Variants in PTPRN2 observed in about 807,000 individuals in gnomAD.
The protein encoded by PTPRN2 is receptor-type tyrosine-protein phosphatase N2.
A neutral mutation model predicts 118.8 loss-of-function variants in PTPRN2; 74 were observed. That is an observed-to-expected ratio of 0.62 (90% CI 0.52 to 0.76). PTPRN2 has a LOEUF of 0.76. PTPRN2 is among the 30% of genes least tolerant of loss of function. The pLI, the probability that PTPRN2 is intolerant of heterozygous loss-of-function variation, is 0.00. For synonymous variants in PTPRN2, 641 were observed against 608.0 expected (o/e 1.05, Z -0.80); for missense variants, 1,481 against 1,394.4 (o/e 1.06, Z -0.99).
chr7:157,554,992 T>TGTGGCGGGCGCCCCAGTGTGGCGGGCGC (rs1362780937), intron 21 of PTPRN2, among the ~76,000 whole-genome samples: 3 of 151,660 alleles, frequency 2.0e-5, no homozygotes, highest in Non-Finnish European at 4.4e-5. Context: ...GTGGCGGGCG[T>TGTGGCGGGCGCCCCAGTGTGGCGGGCGC]CCCAGTGTGG....
intron 2 of PTPRN2, among the ~76,000 whole-genome samples, chr7:158,417,597 TCTAG>T (rs1333457766): frequency 6.7e-6 from 1 of 150,074 alleles, no homozygotes; most frequent in Non-Finnish European, 1.5e-5. Flanking sequence ...ATCGAGATGC[TCTAG>T]CTCTCAGTGT....
intron 1 of PTPRN2, among the ~76,000 whole-genome samples, chr7:158,562,643 C>T (rs1024437592): frequency 6.6e-6 from 1 of 152,198 alleles, no homozygotes; most frequent in Non-Finnish European, 1.5e-5. Flanking sequence ...GTCCATTTAG[C>T]ACTTGAAAGC....
intron 2 of PTPRN2, among the ~76,000 whole-genome samples, chr7:158,376,166 G>A (rs1810483206): frequency 6.6e-6 from 1 of 152,158 alleles, no homozygotes; most frequent in African/African-American, 2.4e-5. Flanking sequence ...TCCTGCACCT[G>A]CCTATCTGTG....
At chr7:157,644,583 G>T (rs375566447) in intron 14 of PTPRN2, among the ~76,000 whole-genome samples, 1 of 152,142 alleles carries the variant, frequency 6.6e-6, no homozygotes, top group African/African-American at 2.4e-5. Context: ...GGATCACGAG[G>T]TCAGGAGTTT....
At chr7:158,072,146 C>A (rs962738384) in intron 11 of PTPRN2, among the ~76,000 whole-genome samples, 6 of 129,664 alleles carry the variant, frequency 4.6e-5, no homozygotes, top group African/African-American at 1.3e-4. Flanking sequence ...GATCTAAATG[C>A]CATTCAGTTG....
intron 11 of PTPRN2, among the ~76,000 whole-genome samples, chr7:157,988,015 G>T (rs948045993): frequency 1.3e-5 from 2 of 151,540 alleles, no homozygotes; most frequent in Non-Finnish European, 2.9e-5. Flanking sequence ...AACACTGTCC[G>T]GACATGCAGG....
At chr7:157,950,162 C>T (rs1321007973) in intron 11 of PTPRN2, among the ~76,000 whole-genome samples, 1 of 152,144 alleles carries the variant, frequency 6.6e-6, no homozygotes, top group Non-Finnish European at 1.5e-5. Context: ...AAACACTGTT[C>T]TTGTGTGTTC....
intron 2 of PTPRN2, among the ~76,000 whole-genome samples, chr7:158,354,395 G>A (rs1213283869): frequency 1.3e-5 from 2 of 152,134 alleles, no homozygotes; most frequent in African/African-American, 2.4e-5. Flanking sequence ...ACAAAGTGGC[G>A]ATTTGTGAGC....
intron 11 of PTPRN2, among the ~76,000 whole-genome samples, chr7:158,063,389 CA>C (rs915559780): frequency 6.6e-6 from 1 of 152,140 alleles, no homozygotes; most frequent in Non-Finnish European, 1.5e-5. Context: ...AGCACCCTGT[CA>C]AAAAAGACCA....
intron 12 of PTPRN2, among the ~76,000 whole-genome samples, chr7:157,765,884 C>T (rs1469676078): frequency 7.2e-5 from 10 of 139,814 alleles, no homozygotes; most frequent in Non-Finnish European, 1.1e-4. Context: ...ATTACTCCAT[C>T]CATCCATCCA....
At chr7:157,995,623 G>A (rs914447130) in intron 11 of PTPRN2, among the ~76,000 whole-genome samples, 21 of 152,264 alleles carry the variant, frequency 1.4e-4, no homozygotes, top group African/African-American at 3.9e-4. Context: ...GCCCCTGAAC[G>A]TGCATCTGGG....
intron 2 of PTPRN2, among the ~76,000 whole-genome samples, chr7:158,414,808 A>T (rs1814516928): frequency 6.6e-6 from 1 of 152,190 alleles, no homozygotes; most frequent in Admixed American, 6.5e-5. Context: ...GAGCATCTCC[A>T]TCCAGCCAGC....
chr7:157,545,068 C>G (rs1381335100), intron 22 of PTPRN2, among the ~76,000 whole-genome samples: 1 of 130,118 alleles, frequency 7.7e-6, no homozygotes, highest in African/African-American at 3.0e-5. Flanking sequence ...GTGCAGTGTG[C>G]ATGGGTGTGT....
chr7:157,784,086 A>C lies in PTPRN2; in HGVS notation c.1789-101149T>G, dbSNP rs1563104723. 6.6e-6 allele frequency among the ~76,000 whole-genome samples: 1 copy of C among 152,194 alleles called. No homozygotes were observed. Among genetic ancestry groups the C allele is most frequent in the African/African-American group, 2.4e-5 (1 of 41,472 alleles). On this transcript the variant is annotated intron_variant, in intron 12 of 22. Transcript: ENST00000389418. This position sits in a 1 kb window ranked among gnomAD's most constrained non-coding sequence, Gnocchi z 4.6. ...CATGGTGTAAGTGCAGAGGAGGAGA[A>C]GGAAGCTGGGATGGGTGTGTTTAGT...
At chr7:157,756,232 T>A (rs1390234796) in intron 12 of PTPRN2, among the ~76,000 whole-genome samples, 1 of 152,132 alleles carries the variant, frequency 6.6e-6, no homozygotes, top group Non-Finnish European at 1.5e-5. Context: ...ATAATGAAGT[T>A]CTAGGTTAGG....
In PTPRN2 at chr7:158,464,804, T is replaced by A. The variant is rs533698429; in HGVS notation, c.163+24931A>T. Among the ~76,000 whole-genome samples the A allele has an allele frequency of 1.9e-4, 29 of 152,236 alleles. No homozygotes were observed. In the South Asian group the frequency reaches 5.0e-3, roughly 26 times the overall value. Reference sequence around the variant, plus strand: ...ATCCTTACCATCGCCATCATTGGCATGCCATTTAGTAAACAATCACTTCAT... The same window carrying A: ...ATCCTTACCATCGCCATCATTGGCAAGCCATTTAGTAAACAATCACTTCAT... On this transcript the variant is annotated intron_variant, in intron 2 of 22. Coordinates refer to ENST00000389418, the MANE Select transcript of PTPRN2 (RefSeq NM_002847.5).
chr7:158,301,474 A>G (rs143460921), intron 3 of PTPRN2, among the ~76,000 whole-genome samples: 2 of 152,348 alleles, frequency 1.3e-5, no homozygotes, highest in African/African-American at 4.8e-5. Context: ...GCTTAGCAGA[A>G]TGCTCTGTAT....
intron 17 of PTPRN2, among the ~76,000 whole-genome samples, chr7:157,588,206 A>C (rs1255597412): frequency 3.9e-5 from 6 of 152,232 alleles, no homozygotes; most frequent in Non-Finnish European, 8.8e-5. Flanking sequence ...TGACACACAG[A>C]AGCTCTCTCT....
In PTPRN2 at chr7:157,617,364, G is replaced by A. The variant is rs376937757; in HGVS notation, c.2344+3998C>T. On this transcript the variant is annotated intron_variant, in intron 15 of 22. Coordinates refer to ENST00000389418, the MANE Select transcript of PTPRN2 (RefSeq NM_002847.5). The surrounding 1 kb of genome is among the most constrained non-coding windows in gnomAD (Gnocchi z 7.5). ...ATGCCGTGGTTAGGACGCCGTTCAC[G>A]CAGCTGCAGCGCAGAGCACGGGCGA... 6.7e-6 allele frequency: 1 copy of A among 149,480 alleles called. No individual in the cohort carries two copies. The highest frequency in any genetic ancestry group is 1.5e-5 in the Non-Finnish European group (1 of 67,524). 9.3% of individuals were successfully genotyped at this position (149,480 alleles called of 1,614,324 possible). A position where few individuals can be genotyped will look rare whatever the true frequency, so the allele number is the denominator to read the frequency against.
Sources: allele counts gnomAD v4.1 joint callset (sites outside exome capture counted in the v4.1 genomes callset), GRCh38; gene constraint gnomAD v4.1.1; non-coding constraint Gnocchi (gnomAD v3.1); transcripts MANE v1.5; gene names NCBI Gene and HGNC (gene_info 2026-07-23, HGNC 2026-07-21).